The following ACADVL variants were observed in gnomAD, a reference collection of about 807,000 sequenced individuals.
ACADVL encodes the protein very long-chain acyl-CoA dehydrogenase, mitochondrial.
Under a neutral mutation model 80.4 loss-of-function variants are expected in ACADVL, and 73 were observed. The observed-to-expected ratio is 0.91, with a 90% CI of 0.75 to 1.10. The LOEUF (loss-of-function observed/expected upper bound fraction) is 1.10, where lower values mean the gene tolerates loss of function less well. Ranked by LOEUF, ACADVL falls within the 50% of genes least tolerant of loss-of-function variation. ACADVL has a pLI of 0.00. For missense variants in ACADVL, 878 were observed against 858.9 expected (o/e 1.02, Z -0.28); for synonymous variants, 392 against 326.5 (o/e 1.20, Z -2.16).
chr17:7,219,320 C>G, upstream of ACADVL: 3 of 880,912 alleles, frequency 3.4e-6, no homozygotes, highest in Non-Finnish European at 4.2e-6. Context: ...CTGGAAGGAA[C>G]AGAGGGCAAA....
intron 6 of ACADVL, 40 bp from the exon 7 acceptor site, chr17:7,221,498 T>C: frequency 1.2e-6 from 2 of 1,612,204 alleles, no homozygotes; most frequent in South Asian, 1.1e-5. Context: ...CAGGTCCCCC[T>C]GCAGCCAGTG....
chr17:7,218,393 G>A (rs1256081024), upstream of ACADVL: 15 of 1,411,542 alleles, frequency 1.1e-5, no homozygotes, highest in Non-Finnish European at 1.5e-5. Flanking sequence ...TTTCAGCCAA[G>A]GCTGGTCCAC....
chr17:7,221,541 GCC>G lies in ACADVL; in HGVS notation c.483_484del (p.Arg162PhefsTer9). The stretch of plus-strand genomic sequence containing the variant: ...CAGATTCCTGCTTCCCCTCCAGTAC[GCC>G]CGTTTGGTGGAGATCGTGGGCATGC... Reference protein sequence around the residue: ...GGVGLCNTQYARLVEIVGMHD... With the variant: ...GGVGLCNTQYXRLVEIVGMHD... On this transcript the variant is annotated frameshift_variant, in exon 7 of 20. Coordinates refer to ENST00000356839, the MANE Select transcript of ACADVL (RefSeq NM_000018.4). LOFTEE classifies it high-confidence loss of function. The G allele has an allele frequency of 6.2e-7, 1 of 1,614,102 alleles. No individual in the cohort carries two copies. The highest frequency in any genetic ancestry group is 8.5e-7 in the Non-Finnish European group (1 of 1,180,026).
chr17:7,218,387 A>G, upstream of ACADVL: 1 of 1,429,204 alleles, frequency 7.0e-7, no homozygotes, highest in African/African-American at 1.4e-5. Flanking sequence ...GAGCCCTTTC[A>G]GCCAAGGCTG....
intron 19 of ACADVL, 28 bp downstream of exon 19, chr17:7,224,912 T>C: frequency 6.2e-7 from 1 of 1,613,994 alleles, no homozygotes; most frequent in Non-Finnish European, 8.5e-7. Context: ...CAAGCTCAGG[T>C]GAGGGCTGGA....
At chr17:7,219,775 C>G, upstream of ACADVL, 5 of 1,488,628 alleles carry the variant, frequency 3.4e-6, no homozygotes, top group Non-Finnish European at 4.5e-6. Context: ...TTGGGGGAGA[C>G]GAGGGACGCT....
chr17:7,222,139 C>T (rs781176147), intron 8 of ACADVL, 38 bp from the exon 9 acceptor site: 10 of 1,614,190 alleles, frequency 6.2e-6, no homozygotes, highest in East Asian at 2.2e-5. Context: ...CCCACTGCTC[C>T]CCGTCCTCCA....
At chr17:7,220,242 C>G (rs765365551) in intron 2 of ACADVL, 45 bp downstream of exon 2, 2 of 1,514,400 alleles carry the variant, frequency 1.3e-6, no homozygotes. Context: ...AGCGGCGGTC[C>G]GCTTCGGCGC....
At chr17:7,218,044 A>G (rs1367416422), upstream of ACADVL, among the ~76,000 whole-genome samples, 1 of 151,802 alleles carries the variant, frequency 6.6e-6, no homozygotes, top group Non-Finnish European at 1.5e-5. Flanking sequence ...GGGGCAGCCA[A>G]AGAAAACGAG....
Position 7,220,747 on chromosome 17 carries a change from T to C in ACADVL, c.278-19T>C. On this transcript the variant is annotated intron_variant, in intron 4 of 19. Transcript: ENST00000356839. ...CCCTGCCAGCCTGGCCTGACCAGCC[T>C]GTCCCCCACCCTCTGCAGTGCTCAA... 6.2e-7 allele frequency: 1 copy of C among 1,614,202 alleles called. No individual in the cohort carries two copies. The highest frequency in any genetic ancestry group is 1.1e-5 in the South Asian group (1 of 91,090).
intron 6 of ACADVL, 48 bp from the exon 7 acceptor site, chr17:7,221,490 G>A: frequency 6.2e-7 from 1 of 1,612,976 alleles, no homozygotes; most frequent in Non-Finnish European, 8.5e-7. Flanking sequence ...GTTAAGGTCA[G>A]GTCCCCCTGC....
At position 7,224,004 on chromosome 17, in the gene ACADVL, A is replaced by G. The variant is rs2142985923; in HGVS notation, c.1369A>G (p.Ile457Val). 7 of 1,614,126 alleles carry G rather than the reference A, an allele frequency of 4.3e-6. No homozygotes were observed. Among genetic ancestry groups the G allele is most frequent in the Non-Finnish European group, 5.1e-6 (6 of 1,180,012 alleles). The change falls in exon 14 of 20, where the codon ATC (isoleucine) becomes GTC (valine). Residue 457 changes from isoleucine to valine, a missense_variant. By Grantham distance (29) the Ile-to-Val change is conservative (BLOSUM62 3). Coordinates refer to ENST00000356839, the MANE Select transcript of ACADVL (RefSeq NM_000018.4). Reference protein sequence around the residue: ...GVERVLRDLRIFRIFEGTNDI... With the variant: ...GVERVLRDLRVFRIFEGTNDI... The stretch of plus-strand genomic sequence containing the variant: ...AGAGCGTGTGCTCCGAGATCTTCGC[A>G]TCTTCCGGATCTTTGAGGGGACAAA...
Position 7,222,657 on chromosome 17 carries a change from C to G in ACADVL, c.879-10C>G. On this transcript the variant is annotated splice_polypyrimidine_tract_variant and intron_variant, in intron 9 of 19. Transcript: ENST00000356839. The stretch of plus-strand genomic sequence containing the variant: ...ACACACCTCTGCTTTCCCACACTGC[C>G]CTGACACAGTGGGCCCCCTGAGAAG... 3 of 1,611,858 alleles carry G rather than the reference C, an allele frequency of 1.9e-6. No individual in the cohort carries two copies. Among genetic ancestry groups the G allele is most frequent in the Non-Finnish European group, 2.5e-6 (3 of 1,178,848 alleles).
rs775156404 is a variant in ACADVL, at chr17:7,224,561, G to A, written c.1678+9G>A. On this transcript the variant is annotated intron_variant, in intron 17 of 19. Coordinates refer to ENST00000356839, the MANE Select transcript of ACADVL (RefSeq NM_000018.4). ...CAAGAAGGGGATTGTCAGTAAGTGA[G>A]CTCTACACCATTCCGCCCCTCCCTT... 8 of 1,610,780 alleles carry A rather than the reference G, an allele frequency of 5.0e-6. No homozygotes were observed. The Admixed American group carries it at 5.0e-5, about 10-fold the overall frequency.
In ACADVL at chr17:7,222,105, C is replaced by T. The variant is rs201030339; in HGVS notation, c.752+24C>T. 2.4e-3 allele frequency: 3,935 copies of T among 1,614,158 alleles called. 8 individuals are homozygous for T. Among genetic ancestry groups the T allele is most frequent in the Non-Finnish European group, 3.0e-3 (3,543 of 1,180,028 alleles). ...AGGCAACCTGCCTCCCATTTCTCCCCTTCTCCTCCGCCCAATTCCAGGCCC... is the reference window on the plus strand; with the variant it reads ...AGGCAACCTGCCTCCCATTTCTCCCTTTCTCCTCCGCCCAATTCCAGGCCC... On this transcript the variant is annotated intron_variant, in intron 8 of 19. Transcript: ENST00000356839.
Position 7,224,462 on chromosome 17 carries a change from C to T in ACADVL, c.1606-18C>T. 6.2e-7 allele frequency: 1 copy of T among 1,613,938 alleles called. No homozygotes were observed. Reference sequence around the variant, plus strand: ...GCCGATGGCCCCTCTGAGCCCCGCACTGTCCCCATCTCTTAAGGCAGTACG... The same window carrying T: ...GCCGATGGCCCCTCTGAGCCCCGCATTGTCCCCATCTCTTAAGGCAGTACG... On this transcript the variant is annotated intron_variant, in intron 16 of 19. Transcript: ENST00000356839.
chr17:7,218,700 T>C (rs2071049166), upstream of ACADVL: 4 of 1,531,058 alleles, frequency 2.6e-6, no homozygotes, highest in African/African-American at 2.7e-5. Context: ...ATGAACACAC[T>C]GTCACTTCAT....
At chr17:7,220,262 G>A (rs1159608480) in intron 2 of ACADVL, 65 bp downstream of exon 2, 74 of 1,507,204 alleles carry the variant, frequency 4.9e-5, no homozygotes, top group Non-Finnish European at 6.5e-5. Flanking sequence ...CCCGCCATCG[G>A]CAGGGATCTC....
At chr17:7,220,853 G>A (rs552898973) in intron 5 of ACADVL, 23 bp downstream of exon 5, 21 of 1,614,044 alleles carry the variant, frequency 1.3e-5, no homozygotes, top group East Asian at 2.2e-5. Flanking sequence ...TCGGGGCTTG[G>A]TCCCTGGTGA....
Sources: gnomAD v4.1 joint callset for allele counts (sites outside exome capture counted in the v4.1 genomes callset) on GRCh38, gnomAD v4.1.1 for gene constraint, MANE v1.5 for transcripts, NCBI Gene and HGNC (gene_info 2026-07-23, HGNC 2026-07-21) for gene names.